Variants in CALU observed in about 807,000 individuals in gnomAD.
The protein encoded by CALU is calumenin, also known as IEF SSP 9302.
CALU carries 13 observed loss-of-function variants against 37.5 expected under a neutral mutation model. The ratio of observed to expected loss-of-function variants is 0.35; its 90% CI spans 0.23 to 0.55. The LOEUF is 0.55. CALU is among the 20% of genes least tolerant of loss of function. The probability of loss-of-function intolerance (pLI) is 0.89; values close to 1 mark genes in which losing one functional copy is unlikely to be tolerated. For synonymous variants in CALU, 114 were observed against 133.8 expected (o/e 0.85, Z 1.02); for missense variants, 282 against 391.7 (o/e 0.72, Z 2.36).
intron 4 of CALU, 61 bp downstream of exon 4, chr7:128,759,098 C>CT (rs1049386871): frequency 7.4e-7 from 1 of 1,352,430 alleles, no homozygotes; most frequent in African/African-American, 1.5e-5. Flanking sequence ...CTTATTCTGT[C>CT]TTTCCCCTTT....
chr7:128,767,131 T>G (rs983977997), intron 5 of CALU, among the ~76,000 whole-genome samples: 6 of 152,194 alleles, frequency 3.9e-5, no homozygotes, highest in African/African-American at 1.4e-4. Flanking sequence ...ATTAGCTACC[T>G]TAGGGTGAAA....
chr7:128,739,646 C>T (rs1374658815), intron 1 of CALU, among the ~76,000 whole-genome samples: 4 of 152,114 alleles, frequency 2.6e-5, no homozygotes, highest in Admixed American at 2.6e-4. Context: ...ACCGCGCGCT[C>T]TGGGAAGGGG....
chr7:128,756,252 G>A (rs766401794), intron 3 of CALU, among the ~76,000 whole-genome samples: 11 of 152,186 alleles, frequency 7.2e-5, no homozygotes, highest in Non-Finnish European at 1.2e-4. Flanking sequence ...TCTCAGCTCC[G>A]ACCTAGGCAC....
intron 2 of CALU, among the ~76,000 whole-genome samples, chr7:128,752,273 A>T (rs1388787298): frequency 2.0e-5 from 3 of 152,128 alleles, no homozygotes; most frequent in Non-Finnish European, 4.4e-5. Context: ...AAAACAATAA[A>T]TTTTTTTCTT....
At chr7:128,754,160 C>T in intron 2 of CALU, 102 bp from the exon 3 acceptor site, 1 of 900,782 alleles carries the variant, frequency 1.1e-6, no homozygotes. Flanking sequence ...GTTTTGGAGA[C>T]AATTTTTTAT....
chr7:128,766,294 A>G (rs1332830556), intron 5 of CALU, among the ~76,000 whole-genome samples: 1 of 149,946 alleles, frequency 6.7e-6, no homozygotes, highest in Non-Finnish European at 1.5e-5. Context: ...CTTAGCTAAA[A>G]CTCAATTAGG....
intron 5 of CALU, among the ~76,000 whole-genome samples, chr7:128,763,556 A>C (rs972849364): frequency 7.2e-5 from 11 of 152,134 alleles, no homozygotes; most frequent in Admixed American, 7.2e-4. Context: ...AATAAATAAA[A>C]ATAGAAATTC....
At chr7:128,752,332 A>AGAATGCT (rs1266017837) in intron 2 of CALU, among the ~76,000 whole-genome samples, 1 of 152,242 alleles carries the variant, frequency 6.6e-6, no homozygotes, top group Non-Finnish European at 1.5e-5. Flanking sequence ...TGCATTGAAT[A>AGAATGCT]GAATGCTCTT....
At chr7:128,756,254 C>T (rs990711316) in intron 3 of CALU, among the ~76,000 whole-genome samples, 2 of 152,184 alleles carry the variant, frequency 1.3e-5, no homozygotes, top group African/African-American at 4.8e-5. Context: ...TCAGCTCCGA[C>T]CTAGGCACTC....
chr7:128,740,839 T>C (rs1288729035), intron 1 of CALU, among the ~76,000 whole-genome samples: 1 of 152,246 alleles, frequency 6.6e-6, no homozygotes, highest in Non-Finnish European at 1.5e-5. Flanking sequence ...GAAGTACTTA[T>C]TGATAGCACT....
intron 1 of CALU, among the ~76,000 whole-genome samples, chr7:128,746,731 C>T (rs1166653941): frequency 3.3e-5 from 5 of 150,108 alleles, no homozygotes; most frequent in African/African-American, 4.9e-5. Context: ...GGATTACAGG[C>T]GTGAACCACC....
chr7:128,752,380 C>CAT (rs1800709367), intron 2 of CALU, among the ~76,000 whole-genome samples: 1 of 152,142 alleles, frequency 6.6e-6, no homozygotes, highest in Non-Finnish European at 1.5e-5. Context: ...CTTGAACAGT[C>CAT]ATATGTCTTT....
Position 128,753,956 on chromosome 7 carries a change from A to G in CALU, c.222-306A>G, listed in dbSNP as rs570936430. On this transcript the variant is annotated intron_variant, in intron 2 of 6. Transcript: ENST00000249364. ...AAGTTTTACATGTTGTTTGATGCAA[A>G]GAGTGGAGAACTTGGATAGGAATGG... 3.3e-5 allele frequency among the ~76,000 whole-genome samples: 5 copies of G among 152,370 alleles called. No individual in the cohort carries two copies. The East Asian group carries it at 9.6e-4, about 29-fold the overall frequency.
chr7:128,752,083 C>T (rs1457605491), intron 2 of CALU, among the ~76,000 whole-genome samples: 2 of 152,128 alleles, frequency 1.3e-5, no homozygotes, highest in Non-Finnish European at 2.9e-5. Context: ...ACACAACTGC[C>T]TGCAGGCTTG....
At chr7:128,752,070 CT>C (rs993002753) in intron 2 of CALU, among the ~76,000 whole-genome samples, 3 of 152,082 alleles carry the variant, frequency 2.0e-5, no homozygotes, top group African/African-American at 7.2e-5. Context: ...TTCCAGTGTA[CT>C]TACACAACTG....
chr7:128,764,248 CGCAACCCT>C (rs1801236872), intron 5 of CALU, among the ~76,000 whole-genome samples: 1 of 151,448 alleles, frequency 6.6e-6, no homozygotes, highest in Non-Finnish European at 1.5e-5. Flanking sequence ...GACAACATGG[CGCAACCCT>C]GTCTCTACAA....
In CALU at chr7:128,770,359, A is replaced by G. The variant is rs1801509524; in HGVS notation, c.*1192A>G. 6.6e-6 allele frequency: 1 copy of G among 152,604 alleles called. No individual in the cohort carries two copies. The highest frequency in any genetic ancestry group is 1.5e-5 in the Non-Finnish European group (1 of 68,030). The allele number at this position is 152,604 out of a possible 1,614,324, so 9.5% of individuals were successfully genotyped here. ...GTTCTTATCTTGTGGGCTGATTTCC[A>G]AAAACCACATGCTGCTGAATTTACC... On this transcript the variant is annotated 3_prime_UTR_variant, in exon 7 of 7. Transcript: ENST00000249364.
rs747346814 is a variant in CALU at position 128,772,533 on chromosome 7, T to TG, written c.*3369dup. Reference sequence around the variant, plus strand: ...CTAGCTGTTGCAAACAGGCCAATATTGGGTCCTCAGTTGGGGCCAACTTGG... The same window carrying TG: ...CTAGCTGTTGCAAACAGGCCAATATTGGGGTCCTCAGTTGGGGCCAACTTGG... On this transcript the variant is annotated 3_prime_UTR_variant, in exon 7 of 7. Transcript: ENST00000249364. The TG allele has an allele frequency of 5.0e-6, 8 of 1,614,052 alleles. No homozygotes were observed. The highest frequency in any genetic ancestry group is 6.8e-6 in the Non-Finnish European group (8 of 1,180,024).
chr7:128,742,616 C>T (rs1271961339), intron 1 of CALU, among the ~76,000 whole-genome samples: 1 of 152,160 alleles, frequency 6.6e-6, no homozygotes, highest in Non-Finnish European at 1.5e-5. Context: ...AATGGATACA[C>T]TATGGACACT....
Sources: allele counts gnomAD v4.1 joint callset (sites outside exome capture counted in the v4.1 genomes callset), GRCh38; gene constraint gnomAD v4.1.1; transcripts MANE v1.5; gene names NCBI Gene and HGNC (gene_info 2026-07-23, HGNC 2026-07-21).